Variants in PCDHA4 observed in about 807,000 individuals in gnomAD.
The protein encoded by PCDHA4 is protocadherin alpha-4.
A neutral mutation model predicts 61.4 loss-of-function variants in PCDHA4; 49 were observed. That is an observed-to-expected ratio of 0.80 (90% CI 0.63 to 1.01). PCDHA4 has a LOEUF of 1.01. Among genes scored for constraint, PCDHA4 ranks in the 50% least tolerant of loss-of-function variants. The probability of loss-of-function intolerance (pLI) is 0.00; values close to 1 mark genes in which losing one functional copy is unlikely to be tolerated. For missense variants in PCDHA4, 1,254 were observed against 1,235.8 expected, an observed-to-expected ratio of 1.01 and a Z score of -0.22; for synonymous variants, 590 against 550.3, an observed-to-expected ratio of 1.07 and a Z score of -1.01.
intron 1 of PCDHA4, among the ~76,000 whole-genome samples, chr5:140,925,122 GA>G (rs1298426256): frequency 2.7e-5 from 4 of 150,724 alleles, no homozygotes; most frequent in Non-Finnish European, 4.4e-5. Flanking sequence ...AGGAAGGAAG[GA>G]AAAAAAATTT....
chr5:140,906,761 A>G (rs896512633), intron 1 of PCDHA4, among the ~76,000 whole-genome samples: 2 of 152,204 alleles, frequency 1.3e-5, no homozygotes, highest in Non-Finnish European at 2.9e-5. Flanking sequence ...GGTAATACTA[A>G]GAGACACCCT....
chr5:140,972,512 C>T (rs1586536091), intron 1 of PCDHA4, among the ~76,000 whole-genome samples: 1 of 152,018 alleles, frequency 6.6e-6, no homozygotes, highest in Non-Finnish European at 1.5e-5. Context: ...GATTTTACCC[C>T]CAGTGAGCTT....
intron 1 of PCDHA4, among the ~76,000 whole-genome samples, chr5:140,913,152 T>G (rs2076232515): frequency 6.6e-6 from 1 of 152,178 alleles, no homozygotes; most frequent in Admixed American, 6.5e-5. Context: ...ATAGTTTGAG[T>G]AGGATTGGTA....
At chr5:140,927,795 G>A (rs781829757) in intron 1 of PCDHA4, 39 of 1,614,144 alleles carry the variant, frequency 2.4e-5, no homozygotes, top group Non-Finnish European at 3.2e-5. Context: ...CACTAGGTCC[G>A]CCTGAAACGC....
chr5:140,876,283 G>T, intron 1 of PCDHA4: 1 of 1,614,056 alleles, frequency 6.2e-7, no homozygotes, highest in Non-Finnish European at 8.5e-7. Context: ...CGATCCAGAC[G>T]AAGGACTTAA....
chr5:140,891,667 A>T (rs2153435107), intron 1 of PCDHA4, among the ~76,000 whole-genome samples: 1 of 152,286 alleles, frequency 6.6e-6, no homozygotes, highest in African/African-American at 2.4e-5. Flanking sequence ...CCCACCTTAA[A>T]GTTTAATAAT....
At chr5:140,824,610 G>GTTGTTTTTTTTT (rs1768193318) in intron 1 of PCDHA4, 1 of 95,104 alleles carries the variant, frequency 1.1e-5, no homozygotes, top group African/African-American at 4.9e-5. Flanking sequence ...GCTAATTAAA[G>GTTGTTTTTTTTT]TTTTTTTTTT....
chr5:140,829,228 A>C (rs1327321608), intron 1 of PCDHA4: 1 of 1,614,122 alleles, frequency 6.2e-7, no homozygotes, highest in East Asian at 2.2e-5. Context: ...ACCTCGATTC[A>C]GGTGCCAACG....
chr5:140,883,695 C>T, intron 1 of PCDHA4: 2 of 1,613,804 alleles, frequency 1.2e-6, no homozygotes, highest in Non-Finnish European at 1.7e-6. Context: ...CACATCTTCA[C>T]GGTGTCTGCT....
chr5:140,965,031 T>C (rs1211247687), intron 1 of PCDHA4, among the ~76,000 whole-genome samples: 3 of 152,208 alleles, frequency 2.0e-5, no homozygotes, highest in African/African-American at 7.2e-5. Flanking sequence ...CTCCTTTAAC[T>C]GTCCGCTCTA....
chr5:140,973,923 C>T (rs1157032594), intron 1 of PCDHA4, among the ~76,000 whole-genome samples: 1 of 152,170 alleles, frequency 6.6e-6, no homozygotes, highest in African/African-American at 2.4e-5. Flanking sequence ...TCACCAAACC[C>T]AGAGGTTTAG....
intron 1 of PCDHA4, chr5:140,852,584 T>TTA (rs2042387314): frequency 1.2e-6 from 1 of 824,154 alleles, no homozygotes. Context: ...GCTTTTTTAT[T>TTA]TTTTTTTTTT....
At chr5:140,852,575 C>CT (rs1395261617) in intron 1 of PCDHA4, 11 of 798,920 alleles carry the variant, frequency 1.4e-5, no homozygotes, top group Non-Finnish European at 1.7e-5. Context: ...TGTGCCAAGG[C>CT]TTTTTTATTT....
chr5:141,002,019 T>G (rs1420727822), intron 3 of PCDHA4, among the ~76,000 whole-genome samples: 4 of 152,176 alleles, frequency 2.6e-5, no homozygotes, highest in Admixed American at 6.5e-5. Flanking sequence ...CTGCACAGCC[T>G]TCGGTGCCCT....
intron 1 of PCDHA4, chr5:140,875,955 T>C: frequency 6.2e-7 from 1 of 1,614,158 alleles, no homozygotes; most frequent in African/African-American, 1.3e-5. Flanking sequence ...CTGATGCGGA[T>C]ATCGGCGTAA....
chr5:140,928,033 A>G, intron 1 of PCDHA4: 1 of 1,614,198 alleles, frequency 6.2e-7, no homozygotes, highest in Non-Finnish European at 8.5e-7. Context: ...TGGCATGTCT[A>G]GTGCAGGCCC....
intron 1 of PCDHA4, among the ~76,000 whole-genome samples, chr5:140,937,615 T>TCAAAAAAAAAAAAAAAAAAAAAAAAA (rs1472779704): frequency 4.0e-5 from 6 of 149,436 alleles, no homozygotes; most frequent in African/African-American, 1.5e-4. Flanking sequence ...ATACTCCATC[T>TCAAAAAAAAAAAAAAAAAAAAAAAAA]AAAAAGAAAA....
intron 1 of PCDHA4, among the ~76,000 whole-genome samples, chr5:140,917,329 G>C (rs543216216): frequency 3.5e-5 from 5 of 143,930 alleles, no homozygotes; most frequent in South Asian, 2.2e-4. Flanking sequence ...TGTGGCGGGG[G>C]AGGGGGGGGA....
At chr5:140,898,400 C>T (rs1374307667) in intron 1 of PCDHA4, among the ~76,000 whole-genome samples, 1 of 152,178 alleles carries the variant, frequency 6.6e-6, no homozygotes, top group Non-Finnish European at 1.5e-5. Flanking sequence ...TTTCAGCTTT[C>T]TACATACGGC....
Sources: allele counts gnomAD v4.1 joint callset (sites outside exome capture counted in the v4.1 genomes callset), GRCh38; gene constraint gnomAD v4.1.1; transcripts MANE v1.5; gene names NCBI Gene and HGNC (gene_info 2026-07-23, HGNC 2026-07-21).